The following MALRD1 variants were observed in gnomAD, a reference collection of about 807,000 sequenced individuals.
MALRD1 encodes the protein MAM and LDL receptor class A domain containing 1, also known as MAM and LDL-receptor class A domain-containing protein 1.
Under a neutral mutation model 242.1 loss-of-function variants are expected in MALRD1, and 247 were observed. The ratio of observed to expected loss-of-function variants is 1.02; its 90% CI spans 0.92 to 1.13. The LOEUF is 1.13. MALRD1 is among the 50% of genes most tolerant of loss of function. The pLI is 0.00. For synonymous variants in MALRD1, 995 were observed against 866.6 expected (o/e 1.15, Z -2.60); for missense variants, 2,989 against 2,533.1 (o/e 1.18, Z -3.86).
intron 24 of MALRD1, among the ~76,000 whole-genome samples, chr10:19,342,282 G>A (rs1457632230): frequency 6.6e-6 from 1 of 152,020 alleles, no homozygotes; most frequent in Non-Finnish European, 1.5e-5. Flanking sequence ...TCATTACTTT[G>A]TTCTTAGTCA....
At chr10:19,393,244 A>G (rs1232757261) in intron 28 of MALRD1, among the ~76,000 whole-genome samples, 1 of 152,010 alleles carries the variant, frequency 6.6e-6, no homozygotes. Context: ...TTTCATTTTT[A>G]ACTGATTTAT....
chr10:19,414,272 G>A (rs1385697220), intron 28 of MALRD1, among the ~76,000 whole-genome samples: 1 of 152,140 alleles, frequency 6.6e-6, no homozygotes, highest in Non-Finnish European at 1.5e-5. Flanking sequence ...CCATTCAGGT[G>A]CAACTTAAAA....
Position 19,389,438 on chromosome 10 carries a change from G to A in MALRD1, c.4688-14G>A, listed in dbSNP as rs917380260. 11 of 1,549,314 alleles carry A rather than the reference G, an allele frequency of 7.1e-6. No homozygotes were observed. The highest frequency in any genetic ancestry group is 3.3e-4 in the Middle Eastern group (2 of 5,986). ...GTTATTTCGTTCTTCTCTGAATTCT[G>A]TCCTTGTTCCTAGGGCACTTCATGT... is the stretch of plus-strand genomic sequence containing the variant. On this transcript the variant is annotated splice_polypyrimidine_tract_variant and intron_variant, in intron 27 of 39. Transcript: ENST00000454679.
chr10:19,489,050 AG>A (rs1439097493), intron 29 of MALRD1: 1 of 457,770 alleles, frequency 2.2e-6, no homozygotes, highest in Admixed American at 2.3e-5. Context: ...CGGAGGGTGG[AG>A]GGGCGGCAGC....
At chr10:19,395,131 A>T in intron 28 of MALRD1, among the ~76,000 whole-genome samples, 1 of 152,268 alleles carries the variant, frequency 6.6e-6, no homozygotes, top group South Asian at 2.1e-4. Flanking sequence ...GTACTAGTGT[A>T]CTTGGCCAAA....
chr10:19,185,699 C>T (rs1019832727), intron 14 of MALRD1, among the ~76,000 whole-genome samples: 1 of 151,978 alleles, frequency 6.6e-6, no homozygotes, highest in African/African-American at 2.4e-5. Flanking sequence ...TCAGTATTGA[C>T]CAAGAATAAT....
chr10:19,121,024 G>A (rs548206419), intron 5 of MALRD1, among the ~76,000 whole-genome samples: 19 of 149,080 alleles, frequency 1.3e-4, no homozygotes, highest in African/African-American at 3.7e-4. Flanking sequence ...GATTACAGGC[G>A]TGAGCCACTG....
At chr10:19,467,703 T>TTG (rs928358092) in intron 29 of MALRD1, among the ~76,000 whole-genome samples, 2 of 151,642 alleles carry the variant, frequency 1.3e-5, no homozygotes, top group African/African-American at 4.8e-5. Context: ...GGCTTTTTTT[T>TTG]GTCTAACAAC....
chr10:19,690,341 A>T (rs1305733660), intron 36 of MALRD1, among the ~76,000 whole-genome samples: 1 of 152,062 alleles, frequency 6.6e-6, no homozygotes, highest in Non-Finnish European at 1.5e-5. Flanking sequence ...AAATCAATCA[A>T]TCAATTAGTA....
At chr10:19,369,352 A>T (rs905401233) in intron 26 of MALRD1, among the ~76,000 whole-genome samples, 2 of 143,434 alleles carry the variant, frequency 1.4e-5, no homozygotes, top group Admixed American at 1.5e-4. Flanking sequence ...TATATATTGT[A>T]TATCTGTATA....
chr10:19,285,779 A>G (rs1013171936), intron 21 of MALRD1, among the ~76,000 whole-genome samples: 1 of 115,752 alleles, frequency 8.6e-6, no homozygotes, highest in Non-Finnish European at 1.8e-5. Flanking sequence ...GTTTTTTCCA[A>G]TTCTGTGAAG....
At chr10:19,381,795 C>T (rs544817769) in intron 26 of MALRD1, among the ~76,000 whole-genome samples, 16 of 151,922 alleles carry the variant, frequency 1.1e-4, no homozygotes, top group East Asian at 1.9e-4. Flanking sequence ...GCCGAGATTA[C>T]GCCACTGCAC....
intron 19 of MALRD1, among the ~76,000 whole-genome samples, chr10:19,273,157 C>A (rs1708803369): frequency 6.6e-6 from 1 of 152,032 alleles, no homozygotes; most frequent in Non-Finnish European, 1.5e-5. Flanking sequence ...CAAAATATTT[C>A]TTGATGTAAA....
At chr10:19,669,939 A>G (rs1309768345) in intron 36 of MALRD1, among the ~76,000 whole-genome samples, 1 of 152,162 alleles carries the variant, frequency 6.6e-6, no homozygotes, top group Non-Finnish European at 1.5e-5. Context: ...GGAGGCTCAC[A>G]CTAGAAGAAA....
At chr10:19,566,941 G>A (rs1836282826) in intron 32 of MALRD1, among the ~76,000 whole-genome samples, 1 of 151,958 alleles carries the variant, frequency 6.6e-6, no homozygotes, top group Admixed American at 6.6e-5. Context: ...TGGTTTCAAA[G>A]CTAACTCTTT....
chr10:19,520,122 C>T lies in MALRD1; in HGVS notation c.5321-11072C>T, dbSNP rs1163028372. ...TCGTTCACGGAAGAGGAAATTGATG[C>T]ACAGAGAGGGTTACTAACTTTCCCC... is the stretch of plus-strand genomic sequence containing the variant. On this transcript the variant is annotated intron_variant, in intron 31 of 39. Transcript: ENST00000454679. Among the ~76,000 whole-genome samples, 7 of 152,082 alleles carry T rather than the reference C, an allele frequency of 4.6e-5. No homozygotes were observed. In the East Asian group the frequency reaches 1.4e-3, roughly 29 times the overall value.
intron 33 of MALRD1, among the ~76,000 whole-genome samples, chr10:19,585,387 C>T (rs1264883238): frequency 5.3e-5 from 8 of 151,716 alleles, no homozygotes; most frequent in Admixed American, 2.6e-4. Flanking sequence ...CTGTGTTTAG[C>T]GCTTCCTTCA....
intron 26 of MALRD1, among the ~76,000 whole-genome samples, chr10:19,381,381 T>C (rs1329018211): frequency 1.3e-5 from 2 of 152,060 alleles, no homozygotes; most frequent in Non-Finnish European, 2.9e-5. Flanking sequence ...CGTGTGCATG[T>C]GTCTTTATAG....
chr10:19,629,467 G>A (rs1400326495), intron 36 of MALRD1, among the ~76,000 whole-genome samples: 1 of 152,148 alleles, frequency 6.6e-6, no homozygotes, highest in African/African-American at 2.4e-5. Context: ...GCTGTCTAGA[G>A]TGTAAGAATC....
Sources: allele counts gnomAD v4.1 joint callset (sites outside exome capture counted in the v4.1 genomes callset), GRCh38; gene constraint gnomAD v4.1.1; transcripts MANE v1.5; gene names NCBI Gene and HGNC (gene_info 2026-07-23, HGNC 2026-07-21).